Variants in HS3ST4 observed in about 807,000 individuals in gnomAD.
The protein encoded by HS3ST4 is heparan sulfate glucosamine 3-O-sulfotransferase 4.
HS3ST4 carries 17 observed loss-of-function variants against 29.2 expected under a neutral mutation model. The ratio of observed to expected loss-of-function variants is 0.58; its 90% CI spans 0.40 to 0.87. The LOEUF is 0.87. Ranked by LOEUF, HS3ST4 falls within the 40% of genes least tolerant of loss-of-function variation. The probability of loss-of-function intolerance (pLI) is 0.00; values close to 1 mark genes in which losing one functional copy is unlikely to be tolerated. For missense variants in HS3ST4, 627 were observed against 634.5 expected (o/e 0.99, Z 0.13); for synonymous variants, 314 against 285.7 (o/e 1.10, Z -1.00).
intron 1 of HS3ST4, among the ~76,000 whole-genome samples, chr16:26,043,426 G>A (rs1969652737): frequency 6.6e-6 from 1 of 152,210 alleles, no homozygotes; most frequent in Admixed American, 6.5e-5. Flanking sequence ...GCATGGGGAA[G>A]CCAATCTTCT....
At chr16:26,070,399 C>T (rs972220341) in intron 1 of HS3ST4, among the ~76,000 whole-genome samples, 5 of 152,140 alleles carry the variant, frequency 3.3e-5, no homozygotes, top group African/African-American at 1.2e-4. Flanking sequence ...GGCCAGCTCC[C>T]AGCTGCAGAC....
chr16:26,135,146 G>T (rs531084225), intron 1 of HS3ST4, among the ~76,000 whole-genome samples: 1 of 152,184 alleles, frequency 6.6e-6, no homozygotes, highest in Admixed American at 6.5e-5. Flanking sequence ...TGAGCTCAAA[G>T]ATTTTCTAAA....
intron 1 of HS3ST4, among the ~76,000 whole-genome samples, chr16:25,714,892 G>T (rs923647107): frequency 9.2e-5 from 14 of 152,322 alleles, no homozygotes; most frequent in African/African-American, 3.4e-4. Flanking sequence ...GGAAATGTTT[G>T]TATAGAAAAT....
chr16:26,042,228 A>C (rs1969641899), intron 1 of HS3ST4, among the ~76,000 whole-genome samples: 4 of 152,254 alleles, frequency 2.6e-5, no homozygotes, highest in South Asian at 4.1e-4. Context: ...GAGAAGAAAG[A>C]AAGCTATCCC....
intron 1 of HS3ST4, among the ~76,000 whole-genome samples, chr16:26,091,428 T>A (rs1401166490): frequency 6.6e-6 from 1 of 152,176 alleles, no homozygotes; most frequent in Admixed American, 6.5e-5. Context: ...ACACACTGAT[T>A]TTTTAATGTA....
At chr16:25,823,276 G>A (rs1423824746) in intron 1 of HS3ST4, among the ~76,000 whole-genome samples, 1 of 151,980 alleles carries the variant, frequency 6.6e-6, no homozygotes, top group Non-Finnish European at 1.5e-5. Context: ...ATTTCCCTCA[G>A]GACTTAGGTT....
At chr16:25,716,654 A>G (rs1966456229) in intron 1 of HS3ST4, among the ~76,000 whole-genome samples, 2 of 152,244 alleles carry the variant, frequency 1.3e-5, no homozygotes, top group Non-Finnish European at 2.9e-5. Flanking sequence ...TAATGGATAC[A>G]TCTGCCTTCT....
At position 25,692,644 on chromosome 16, in the gene HS3ST4, C is replaced by G. The variant is rs1482402058; in HGVS notation, c.227C>G (p.Pro76Arg). ...QESPGAAAEP[P>R]PSPPPPSLLP... ...TCGCCGGGCGCCGCCGCCGAGCCCC[C>G]GCCGAGCCCGCCGCCACCCTCTCTG... The change falls in exon 1 of 2, where the codon CCG (proline) becomes CGG (arginine). Residue 76 changes from proline (P) to arginine (R), a missense_variant. Pro to Arg is a moderately radical substitution (Grantham distance 103). Coordinates refer to ENST00000331351, the MANE Select transcript of HS3ST4 (RefSeq NM_006040.3). 1 of 1,359,962 alleles carries G rather than the reference C, an allele frequency of 7.4e-7. No individual in the cohort carries two copies. Among genetic ancestry groups the G allele is most frequent in the Non-Finnish European group, 9.6e-7 (1 of 1,047,098 alleles). 84.2% of individuals were successfully genotyped at this position (1,359,962 alleles called of 1,614,324 possible).
chr16:25,864,794 G>C (rs899679742), intron 1 of HS3ST4, among the ~76,000 whole-genome samples: 2 of 150,698 alleles, frequency 1.3e-5, no homozygotes, highest in Non-Finnish European at 2.9e-5. Flanking sequence ...ACATATATTT[G>C]TTGTATACAT....
chr16:26,125,911 AT>A (rs1296080519), intron 1 of HS3ST4, among the ~76,000 whole-genome samples: 1 of 152,180 alleles, frequency 6.6e-6, no homozygotes, highest in Non-Finnish European at 1.5e-5. Flanking sequence ...TCAAATTATA[AT>A]TTCCAACTTC....
intron 1 of HS3ST4, among the ~76,000 whole-genome samples, chr16:25,989,537 C>A (rs764916312): frequency 7.9e-5 from 12 of 152,288 alleles, no homozygotes; most frequent in Non-Finnish European, 1.3e-4. Flanking sequence ...TAGTTGGTGG[C>A]TTCTGATTAG....
At chr16:25,764,467 A>G (rs1322921026) in intron 1 of HS3ST4, among the ~76,000 whole-genome samples, 2 of 152,096 alleles carry the variant, frequency 1.3e-5, no homozygotes, top group Non-Finnish European at 2.9e-5. Context: ...GTGTGTGTAC[A>G]TGTGTGTGTG....
At chr16:25,788,925 C>T (rs1012563029) in intron 1 of HS3ST4, among the ~76,000 whole-genome samples, 18 of 152,094 alleles carry the variant, frequency 1.2e-4, no homozygotes, top group Admixed American at 6.5e-4. Flanking sequence ...TTATCAATGT[C>T]GATGGTGAAC....
chr16:26,122,912 G>GCAA (rs1899294237), intron 1 of HS3ST4, among the ~76,000 whole-genome samples: 1 of 152,024 alleles, frequency 6.6e-6, no homozygotes. Context: ...AAATCAGCTG[G>GCAA]GCGTGGTGGC....
intron 1 of HS3ST4, among the ~76,000 whole-genome samples, chr16:25,796,063 C>A (rs1007553336): frequency 1.3e-5 from 2 of 152,106 alleles, no homozygotes; most frequent in Non-Finnish European, 2.9e-5. Flanking sequence ...CCTGTTCTTT[C>A]CTTCTGTCTC....
At chr16:25,998,390 T>C (rs535861930) in intron 1 of HS3ST4, among the ~76,000 whole-genome samples, 19 of 152,226 alleles carry the variant, frequency 1.2e-4, no homozygotes, top group South Asian at 8.3e-4. Context: ...ATACTTCTGT[T>C]ACTAAGGATT....
chr16:25,752,215 G>C (rs1006755900), intron 1 of HS3ST4, among the ~76,000 whole-genome samples: 3 of 152,144 alleles, frequency 2.0e-5, no homozygotes, highest in African/African-American at 7.2e-5. Context: ...TCAAGTCAAG[G>C]TGTTGGGCTC....
chr16:25,876,289 A>C (rs1967832314), intron 1 of HS3ST4, among the ~76,000 whole-genome samples: 1 of 152,258 alleles, frequency 6.6e-6, no homozygotes, highest in African/African-American at 2.4e-5. Context: ...TGGCTTAAGC[A>C]AAATAAAATA....
Position 25,973,581 on chromosome 16 carries a change from A to G in HS3ST4, c.735-162031A>G, listed in dbSNP as rs1224071531. On this transcript the variant is annotated intron_variant, in intron 1 of 1. Coordinates refer to ENST00000331351, the MANE Select transcript of HS3ST4 (RefSeq NM_006040.3). The stretch of plus-strand genomic sequence containing the variant: ...TCACAAGAACTCGGAGCTAATGTTA[A>G]TAAGCCCTATCCTAGCACTTAGTTC... 2.0e-5 allele frequency among the ~76,000 whole-genome samples: 3 copies of G among 152,184 alleles called. No homozygotes were observed. The East Asian group carries it at 5.8e-4, about 29-fold the overall frequency.
Sources: allele counts gnomAD v4.1 joint callset (sites outside exome capture counted in the v4.1 genomes callset), GRCh38; gene constraint gnomAD v4.1.1; transcripts MANE v1.5; gene names NCBI Gene and HGNC (gene_info 2026-07-23, HGNC 2026-07-21).